RAPGEF5: variants seen among roughly 807,000 people sequenced by gnomAD.
RAPGEF5 encodes M-Ras-regulated GEF.
RAPGEF5 carries 65 observed loss-of-function variants against 125.2 expected under a neutral mutation model. The ratio of observed to expected loss-of-function variants is 0.52; its 90% CI spans 0.43 to 0.64. The LOEUF (loss-of-function observed/expected upper bound fraction) is 0.64, where lower values mean the gene tolerates loss of function less well. Ranked by LOEUF, RAPGEF5 falls within the 30% of genes least tolerant of loss-of-function variation. The pLI is 0.00. For missense variants in RAPGEF5, 958 were observed against 1,048.1 expected, an observed-to-expected ratio of 0.91 and a Z score of 1.19; for synonymous variants, 391 against 385.9, an observed-to-expected ratio of 1.01 and a Z score of -0.16.
intron 6 of RAPGEF5, among the ~76,000 whole-genome samples, chr7:22,290,607 T>C (rs887225016): frequency 6.6e-6 from 1 of 151,108 alleles, no homozygotes; most frequent in African/African-American, 2.4e-5. Context: ...TAGCCGGGCG[T>C]AGTGGCGGGC....
At chr7:22,149,589 A>G (rs906299971) in intron 18 of RAPGEF5, among the ~76,000 whole-genome samples, 1 of 152,232 alleles carries the variant, frequency 6.6e-6, no homozygotes, top group Admixed American at 6.5e-5. Flanking sequence ...AAAGTAACTT[A>G]AAGTGTGGGT....
intron 9 of RAPGEF5, among the ~76,000 whole-genome samples, chr7:22,203,720 T>C (rs544121051): frequency 2.0e-4 from 31 of 152,170 alleles, no homozygotes; most frequent in African/African-American, 7.5e-4. Context: ...ACCACTGAGA[T>C]TTTTTGAGCC....
intron 2 of RAPGEF5, among the ~76,000 whole-genome samples, chr7:22,315,935 C>T (rs932376349): frequency 3.3e-5 from 5 of 152,068 alleles, no homozygotes; most frequent in East Asian, 3.9e-4. Context: ...GTGAACATCT[C>T]GAACCATGAC....
At chr7:22,186,470 G>A (rs1784828807) in intron 11 of RAPGEF5, among the ~76,000 whole-genome samples, 1 of 152,034 alleles carries the variant, frequency 6.6e-6, no homozygotes, top group African/African-American at 2.4e-5. Context: ...CCAAATTAGT[G>A]CCTATAATGA....
chr7:22,322,317 CT>C (rs1167378740), intron 1 of RAPGEF5, among the ~76,000 whole-genome samples: 21 of 146,602 alleles, frequency 1.4e-4, no homozygotes, highest in South Asian at 2.2e-4. Context: ...TTTTGTATTT[CT>C]TTTTTTTTTG....
At chr7:22,162,697 G>A (rs28450495) in intron 12 of RAPGEF5, among the ~76,000 whole-genome samples, 156 bp from the exon 13 acceptor site, 4,475 of 152,326 alleles carry the variant, frequency 0.029, 86 homozygotes, top group Middle Eastern at 0.065. Flanking sequence ...TGTGCACTGA[G>A]AAGAGCAAAA....
At chr7:22,328,510 T>A (rs924370806) in intron 1 of RAPGEF5, among the ~76,000 whole-genome samples, 1 of 152,218 alleles carries the variant, frequency 6.6e-6, no homozygotes, top group Non-Finnish European at 1.5e-5. Context: ...TCAATTTTTG[T>A]ATATACAAAC....
intron 8 of RAPGEF5, among the ~76,000 whole-genome samples, chr7:22,223,760 G>C (rs1227588428): frequency 6.6e-6 from 1 of 152,144 alleles, no homozygotes; most frequent in South Asian, 2.1e-4. Flanking sequence ...TGGTGGTAGG[G>C]ACATGCAGAA....
At chr7:22,159,890 C>T (rs1031416399) in intron 14 of RAPGEF5, among the ~76,000 whole-genome samples, 1 of 152,254 alleles carries the variant, frequency 6.6e-6, no homozygotes, top group East Asian at 1.9e-4. Flanking sequence ...GGGCGAATCA[C>T]CTGAGGTTGG....
At chr7:22,287,001 G>A (rs1022896612) in intron 6 of RAPGEF5, among the ~76,000 whole-genome samples, 3 of 152,202 alleles carry the variant, frequency 2.0e-5, no homozygotes, top group Non-Finnish European at 2.9e-5. Flanking sequence ...AGCACCAGAG[G>A]ATATTAGAAA....
intron 9 of RAPGEF5, among the ~76,000 whole-genome samples, chr7:22,209,153 T>C (rs1031636466): frequency 6.6e-6 from 1 of 152,214 alleles, no homozygotes; most frequent in African/African-American, 2.4e-5. Flanking sequence ...ATAATGGCAA[T>C]GGCATTTAAT....
chr7:22,285,692 C>G (rs560291862), intron 6 of RAPGEF5, among the ~76,000 whole-genome samples: 5 of 152,306 alleles, frequency 3.3e-5, no homozygotes, highest in African/African-American at 1.2e-4. Context: ...GAAAGATACA[C>G]CCTTCAAAGA....
chr7:22,217,920 T>C (rs992668565), intron 9 of RAPGEF5, among the ~76,000 whole-genome samples: 1 of 152,194 alleles, frequency 6.6e-6, no homozygotes, highest in South Asian at 2.1e-4. Context: ...ACTAAATTTC[T>C]GCCTCATGTT....
Position 22,317,978 on chromosome 7 carries a change from G to A in RAPGEF5, c.282+9C>T, listed in dbSNP as rs116732246. Reference sequence around the variant, plus strand: ...TCAGAAAAGGCAGTAAAAGAGAAAGGAATCATACCTGGGAAGGCGTATGTT... The same window carrying A: ...TCAGAAAAGGCAGTAAAAGAGAAAGAAATCATACCTGGGAAGGCGTATGTT... On this transcript the variant is annotated intron_variant, in intron 2 of 25. Coordinates refer to ENST00000665637, the MANE Select transcript of RAPGEF5 (RefSeq NM_012294.5). The A allele has an allele frequency of 1.2e-3, 1,819 of 1,547,978 alleles. 26 individuals are homozygous for A. The African/African-American group carries it at 0.022, about 19-fold the overall frequency.
chr7:22,141,774 T>A (rs1345452235), intron 20 of RAPGEF5, among the ~76,000 whole-genome samples: 1 of 152,212 alleles, frequency 6.6e-6, no homozygotes, highest in African/African-American at 2.4e-5. Context: ...AGCAGTTCCT[T>A]GGTAATTGTG....
chr7:22,292,423 G>A (rs1192016487), intron 5 of RAPGEF5, among the ~76,000 whole-genome samples: 1 of 152,242 alleles, frequency 6.6e-6, no homozygotes, highest in African/African-American at 2.4e-5. Context: ...AAGCAGTGCT[G>A]ATGTTGTCAA....
chr7:22,244,004 T>A (rs1786406589), intron 7 of RAPGEF5, among the ~76,000 whole-genome samples: 1 of 152,196 alleles, frequency 6.6e-6, no homozygotes, highest in Admixed American at 6.5e-5. Flanking sequence ...ACTTTCTAAG[T>A]TCCACTTTCT....
chr7:22,253,227 T>A (rs1035459953), intron 7 of RAPGEF5, among the ~76,000 whole-genome samples: 1 of 152,236 alleles, frequency 6.6e-6, no homozygotes. Flanking sequence ...GACAAGAATG[T>A]TGTGTTGATT....
intron 17 of RAPGEF5, among the ~76,000 whole-genome samples, chr7:22,152,175 T>A (rs1178660125): frequency 6.6e-6 from 1 of 152,240 alleles, no homozygotes; most frequent in Non-Finnish European, 1.5e-5. Context: ...ATGCAGAGTA[T>A]ACAAATAATA....
Sources: gnomAD v4.1 joint callset for allele counts (sites outside exome capture counted in the v4.1 genomes callset) on GRCh38, gnomAD v4.1.1 for gene constraint, MANE v1.5 for transcripts, NCBI Gene and HGNC (gene_info 2026-07-23, HGNC 2026-07-21) for gene names.